CTCFL: variants seen among roughly 807,000 people sequenced by gnomAD.
The protein encoded by CTCFL is transcriptional repressor CTCFL.
In CTCFL, 36 loss-of-function variants were observed where a neutral mutation model predicts 67.4. The observed-to-expected ratio is 0.53, with a 90% CI of 0.41 to 0.71. CTCFL has a LOEUF of 0.71. Among genes scored for constraint, CTCFL ranks in the 30% least tolerant of loss-of-function variants. The probability of loss-of-function intolerance (pLI) is 0.00; values close to 1 mark genes in which losing one functional copy is unlikely to be tolerated. For synonymous variants in CTCFL, 324 were observed against 302.3 expected, an observed-to-expected ratio of 1.07 and a Z score of -0.75; for missense variants, 786 against 835.2, an observed-to-expected ratio of 0.94 and a Z score of 0.73.
Position 57,524,113 on chromosome 20 carries a change from T to C in CTCFL, c.93A>G (p.Glu31=), listed in dbSNP as rs1568888333. The part of the protein sequence containing the change: ...LMPEKGLKEE[E]KDGVCREKDH... Reference sequence around the variant, plus strand: ...CTTTCTCTCTGCACACTCCGTCTTTTTCCTCCTCCTTCAGGCCTTTTTCCG... The same window carrying C: ...CTTTCTCTCTGCACACTCCGTCTTTCTCCTCCTCCTTCAGGCCTTTTTCCG... The change falls in exon 2 of 11, where the codon GAA becomes GAG. Residue 31 remains glutamate, a synonymous_variant. Coordinates refer to ENST00000243914, the MANE Select transcript of CTCFL (RefSeq NM_001386993.1). The C allele has an allele frequency of 6.2e-7, 1 of 1,613,714 alleles. No individual in the cohort carries two copies. Among genetic ancestry groups the C allele is most frequent in the Non-Finnish European group, 8.5e-7 (1 of 1,179,986 alleles).
chr20:57,513,597 G>C, intron 7 of CTCFL: 2 of 1,132,022 alleles, frequency 1.8e-6, no homozygotes, highest in East Asian at 1.5e-4. Flanking sequence ...CAACTGGCTA[G>C]ACTTGTGCCC....
chr20:57,498,147 G>T lies in CTCFL; in HGVS notation c.*403C>A. The T allele has an allele frequency of 4.0e-6, 4 of 988,948 alleles. No individual in the cohort carries two copies. The highest frequency in any genetic ancestry group is 4.8e-6 in the Non-Finnish European group (4 of 832,258). The allele number at this position is 988,948 out of a possible 1,614,324, so 61.3% of individuals were successfully genotyped here. A position where few individuals can be genotyped will look rare whatever the true frequency, so the allele number is the denominator to read the frequency against. On this transcript the variant is annotated 3_prime_UTR_variant, in exon 11 of 11. Transcript: ENST00000243914. ...AGCTTTGACTGTGGAAGCACTAGCT[G>T]GTCTAGACTATTTTGAAATATCCAA...
chr20:57,523,669 C>G lies in CTCFL; in HGVS notation c.537G>C (p.Leu179=). ...LAVSLAETTG[L]IKLEEEQEKN... ...TTATTAAAACCAGCTGTACCTTGATCAGTCCAGTAGTTTCAGCCAGGCTCA... is the reference window on the plus strand; with the variant it reads ...TTATTAAAACCAGCTGTACCTTGATGAGTCCAGTAGTTTCAGCCAGGCTCA... Residue 179 remains leucine, a synonymous_variant, in exon 2 of 11, where the codon CTG becomes CTC. Coordinates refer to ENST00000243914, the MANE Select transcript of CTCFL (RefSeq NM_001386993.1). The G allele has an allele frequency of 6.2e-7, 1 of 1,612,470 alleles. No homozygotes were observed. The highest frequency in any genetic ancestry group is 8.5e-7 in the Non-Finnish European group (1 of 1,179,314).
chr20:57,513,810 T>A (rs1478777867), intron 7 of CTCFL: 1 of 1,283,656 alleles, frequency 7.8e-7, no homozygotes. Flanking sequence ...TATTTTTGTG[T>A]ATCACAGTGT....
intron 1 of CTCFL, chr20:57,524,503 G>T: frequency 1.7e-6 from 2 of 1,201,180 alleles, no homozygotes; most frequent in Non-Finnish European, 2.1e-6. Flanking sequence ...GCCTGGCAAG[G>T]TTCCGCCTGA....
At chr20:57,513,671 G>C (rs1360253197) in intron 7 of CTCFL, 1 of 1,187,756 alleles carries the variant, frequency 8.4e-7, no homozygotes, top group African/African-American at 1.6e-5. Flanking sequence ...TGACAGAATG[G>C]TCCAGATGAA....
intron 10 of CTCFL, 121 bp downstream of exon 10, chr20:57,503,315 C>T (rs1432824099): frequency 1.7e-6 from 2 of 1,191,610 alleles, no homozygotes; most frequent in East Asian, 4.7e-5. Context: ...CCTTGCAGGA[C>T]CGACTGGTGG....
chr20:57,523,809 A>C lies in CTCFL; in HGVS notation c.397T>G (p.Cys133Gly), dbSNP rs1600686629. Residue 133 changes from cysteine (C) to glycine (G), a missense_variant, in exon 2 of 11, where the codon TGT (cysteine) becomes GGT (glycine). Cys to Gly is a radical substitution (Grantham distance 159). Transcript: ENST00000243914. ...EEGPRQSLQQ[C>G]VAISIQQELY... ...TCTTGCTGGATACTAATGGCCACACACTGCTGCAGGCTCTGCCGGGGCCCT... is the reference window on the plus strand; with the variant it reads ...TCTTGCTGGATACTAATGGCCACACCCTGCTGCAGGCTCTGCCGGGGCCCT... 3.1e-6 allele frequency: 5 copies of C among 1,613,056 alleles called. No homozygotes were observed. The East Asian group carries it at 1.1e-4, about 36-fold the overall frequency.
chr20:57,503,689 A>G, intron 9 of CTCFL, 88 bp from the exon 10 acceptor site: 1 of 1,414,912 alleles, frequency 7.1e-7, no homozygotes, highest in Non-Finnish European at 9.7e-7. Flanking sequence ...CACGCATGGA[A>G]AGAAAGAAAA....
At chr20:57,501,651 G>A (rs968861890) in intron 10 of CTCFL, among the ~76,000 whole-genome samples, 3 of 152,158 alleles carry the variant, frequency 2.0e-5, no homozygotes, top group Admixed American at 6.5e-5. Context: ...TGTGCCCTGC[G>A]GGGCCGGATG....
At chr20:57,513,915 C>T in intron 7 of CTCFL, 1 of 1,286,960 alleles carries the variant, frequency 7.8e-7, no homozygotes, top group East Asian at 5.6e-5. Flanking sequence ...TTCCCACACC[C>T]TCCCTCCCAT....
chr20:57,512,236 C>G (rs1442261779), intron 8 of CTCFL, among the ~76,000 whole-genome samples: 1 of 152,192 alleles, frequency 6.6e-6, no homozygotes. Context: ...ATACCACAAC[C>G]ACCAATTCCA....
chr20:57,510,635 G>A lies in CTCFL; in HGVS notation c.1492-1847C>T, dbSNP rs559532130. 4.5e-3 allele frequency among the ~76,000 whole-genome samples: 678 copies of A among 152,238 alleles called. 5 individuals carry two copies. The highest frequency in any genetic ancestry group is 7.4e-3 in the Non-Finnish European group (505 of 68,004). Reference sequence around the variant, plus strand: ...TCCCAGCACTTTGGGAGGCCGAGGCGGGCAGATCACGAGGTCAGGAGATCG... The same window carrying A: ...TCCCAGCACTTTGGGAGGCCGAGGCAGGCAGATCACGAGGTCAGGAGATCG... On this transcript the variant is annotated intron_variant, in intron 8 of 10. Coordinates refer to ENST00000243914, the MANE Select transcript of CTCFL (RefSeq NM_001386993.1).
At chr20:57,506,295 C>CT (rs1385238170) in intron 9 of CTCFL, among the ~76,000 whole-genome samples, 1 of 151,542 alleles carries the variant, frequency 6.6e-6, no homozygotes, top group Admixed American at 6.6e-5. Flanking sequence ...TATTTAGATA[C>CT]TTTAACTGTT....
At chr20:57,509,158 G>A (rs1450921008) in intron 8 of CTCFL, among the ~76,000 whole-genome samples, 1 of 152,128 alleles carries the variant, frequency 6.6e-6, no homozygotes, top group Admixed American at 6.5e-5. Context: ...AGGGCAAATA[G>A]AACCTGCAAA....
Position 57,523,140 on chromosome 20 carries a change from CTT to C in CTCFL, c.680_681del (p.Gln227ArgfsTer12). The C allele has an allele frequency of 6.2e-7, 1 of 1,614,058 alleles. No individual in the cohort carries two copies. Among genetic ancestry groups the C allele is most frequent in the Non-Finnish European group, 8.5e-7 (1 of 1,180,022 alleles). On this transcript the variant is annotated frameshift_variant, in exon 3 of 11. Transcript: ENST00000243914. LOFTEE classifies it high-confidence loss of function. ...GCTTGACCAGCTGTAGGTTGATCCT[CTT>C]GTTCTTCCACATTTGAATTTGAAAC... ...LTVSNSNVEE[Q>X]EDQPTAGQAD...
intron 10 of CTCFL, 21 bp from the exon 11 acceptor site, chr20:57,498,722 G>A (rs761471697): frequency 1.4e-5 from 22 of 1,591,226 alleles, no homozygotes; most frequent in Non-Finnish European, 1.5e-5. Flanking sequence ...AGTCCAGGAT[G>A]AGCAAATTTA....
At chr20:57,511,755 C>T (rs6092490) in intron 8 of CTCFL, among the ~76,000 whole-genome samples, 1 of 152,072 alleles carries the variant, frequency 6.6e-6, no homozygotes, top group Admixed American at 6.5e-5. Flanking sequence ...CCACGCCCAA[C>T]TAATTTTTGT....
At chr20:57,505,477 C>T (rs1055354533) in intron 9 of CTCFL, among the ~76,000 whole-genome samples, 5 of 151,908 alleles carry the variant, frequency 3.3e-5, no homozygotes, top group East Asian at 1.9e-4. Flanking sequence ...AGGATGGTCT[C>T]GATCTCCTGA....
Sources: allele counts gnomAD v4.1 joint callset (sites outside exome capture counted in the v4.1 genomes callset), GRCh38; gene constraint gnomAD v4.1.1; transcripts MANE v1.5; gene names NCBI Gene and HGNC (gene_info 2026-07-23, HGNC 2026-07-21).